Variants in POLG observed in about 807,000 individuals in gnomAD.
POLG encodes DNA polymerase subunit gamma-1.
Under a neutral mutation model 155.4 loss-of-function variants are expected in POLG, and 110 were observed. The observed-to-expected ratio is 0.71, with a 90% CI of 0.61 to 0.83. The LOEUF is 0.83. POLG is among the 40% of genes least tolerant of loss of function. The probability of loss-of-function intolerance (pLI) is 0.00; values close to 1 mark genes in which losing one functional copy is unlikely to be tolerated. For synonymous variants in POLG, 701 were observed against 631.5 expected (o/e 1.11, Z -1.65); for missense variants, 1,685 against 1,627.5 (o/e 1.04, Z -0.61).
chr15:89,325,718 G>T, intron 9 of POLG, 32 bp from the exon 10 acceptor site: 1 of 1,485,472 alleles, frequency 6.7e-7, no homozygotes. Context: ...GCAGTGTCAC[G>T]ATGGTAAGGG....
chr15:89,325,248 G>GAA lies in POLG; in HGVS notation c.1949+201_1949+202insTT, dbSNP rs1555453379. Among the ~76,000 whole-genome samples, 2 of 88,852 alleles carry GAA rather than the reference G, an allele frequency of 2.3e-5. 1 individual carries two copies. The highest frequency in any genetic ancestry group is 1.4e-4 in the African/African-American group (2 of 14,016). The allele number at this position is 88,852 out of a possible 152,430, so 58.3% of individuals were successfully genotyped here. A position where few individuals can be genotyped will look rare whatever the true frequency, so the allele number is the denominator to read the frequency against. ...AGAGTGAGTGAGAGAGTGAGTGAGT[G>GAA]AGAGAGAGAGTGAGTGAGTGAGTGA... On this transcript the variant is annotated intron_variant, in intron 10 of 22. Coordinates refer to ENST00000268124, the MANE Select transcript of POLG (RefSeq NM_002693.3).
In POLG at chr15:89,330,214, G is replaced by A. The variant is rs1452571273; in HGVS notation, c.722C>T (p.Pro241Leu). Residue 241 changes from proline to leucine, a missense_variant, in exon 3 of 23, where the codon CCG (proline) becomes CTG (leucine). Around this residue, in one of 3 missense-constraint regions of POLG, gnomAD observed 1,210 missense variants for 1,167.1 expected, o/e 1.04. Coordinates refer to ENST00000268124, the MANE Select transcript of POLG (RefSeq NM_002693.3). ...ERYSWTSQLS[P>L]ADLIPLEVPT... ...GACCTCCAGGGGGATGAGGTCAGCC[G>A]GCGACAGCTGGCTGGTCCAAGAGTA... The A allele has an allele frequency of 5.7e-5, 92 of 1,613,150 alleles. 1 individual carries two copies. The highest frequency in any genetic ancestry group is 1.2e-4 in the South Asian group (11 of 91,088).
Position 89,316,398 on chromosome 15 carries a change from G to GC in POLG, c.*352dup, listed in dbSNP as rs1208713333. The GC allele has an allele frequency of 6.2e-7, 1 of 1,611,432 alleles. No homozygotes were observed. Among genetic ancestry groups the GC allele is most frequent in the Non-Finnish European group, 8.5e-7 (1 of 1,178,552 alleles). On this transcript the variant is annotated 3_prime_UTR_variant, in exon 23 of 23. Transcript: ENST00000268124. ...AGCATTAATTCTTTCCCCTTCTAGG[G>GC]CACTGCATCAGAGCATGGGGGACAG...
At position 89,316,368 on chromosome 15, in the gene POLG, G is replaced by C; in HGVS notation, c.*383C>G. On this transcript the variant is annotated 3_prime_UTR_variant, in exon 23 of 23. Coordinates refer to ENST00000268124, the MANE Select transcript of POLG (RefSeq NM_002693.3). ...CACTGCCTTGGAGCAGGTTTATCAC[G>C]TTAGAGCATTAATTCTTTCCCCTTC... 6.2e-7 allele frequency: 1 copy of C among 1,600,708 alleles called. No individual in the cohort carries two copies.
chr15:89,325,227 T>TGA (rs1403706005), intron 10 of POLG, among the ~76,000 whole-genome samples: 1 of 41,828 alleles, frequency 2.4e-5, no homozygotes, highest in East Asian at 6.1e-4. Flanking sequence ...AGTGAGAGAG[T>TGA]GAGTGAGAGA....
intron 6 of POLG, among the ~76,000 whole-genome samples, chr15:89,327,887 CAT>C (rs1475945462): frequency 1.3e-5 from 2 of 151,864 alleles, no homozygotes; most frequent in Non-Finnish European, 2.9e-5. Context: ...GAATAGTAAA[CAT>C]ATTTTCTCCT....
intron 9 of POLG, 116 bp downstream of exon 9, chr15:89,326,496 A>C: frequency 8.9e-7 from 1 of 1,125,772 alleles, no homozygotes; most frequent in Non-Finnish European, 1.3e-6. Context: ...GAATGGCAGC[A>C]GGTCAATAAG....
rs760343963 is a variant in POLG, at chr15:89,318,753, G to A, written c.3274-4C>T. ...AATTCACACGGCTGGTCATAAACTG[G>A]GAAGGGAAGGTGGGCAGAGGTGAAA... On this transcript the variant is annotated splice_region_variant and splice_polypyrimidine_tract_variant and intron_variant, in intron 20 of 22. Coordinates refer to ENST00000268124, the MANE Select transcript of POLG (RefSeq NM_002693.3). 1.4e-5 allele frequency: 23 copies of A among 1,613,296 alleles called. No homozygotes were observed. Among genetic ancestry groups the A allele is most frequent in the South Asian group, 9.9e-5 (9 of 91,082 alleles).
chr15:89,325,259 T>TGAGTGAGTGAGAGAGA, intron 10 of POLG, among the ~76,000 whole-genome samples, 191 bp downstream of exon 10: 1 of 80,474 alleles, frequency 1.2e-5, no homozygotes, highest in Non-Finnish European at 2.4e-5. Flanking sequence ...AGAGAGAGAG[T>TGAGTGAGTGAGAGAGA]GAGTGAGTGA....
At chr15:89,329,717 T>C (rs2055570003) in intron 3 of POLG, among the ~76,000 whole-genome samples, 1 of 152,140 alleles carries the variant, frequency 6.6e-6, no homozygotes, top group East Asian at 1.9e-4. Flanking sequence ...TCTGCCTTTT[T>C]ATAAAAAAGG....
intron 6 of POLG, 90 bp from the exon 7 acceptor site, chr15:89,327,439 G>A: frequency 2.5e-6 from 3 of 1,186,332 alleles, no homozygotes; most frequent in Non-Finnish European, 2.5e-6. Flanking sequence ...CCTCAACCCA[G>A]CCACTGACAT....
At chr15:89,330,301 G>C in intron 2 of POLG, 25 bp from the exon 3 acceptor site, 1 of 1,583,230 alleles carries the variant, frequency 6.3e-7, no homozygotes, top group Non-Finnish European at 8.6e-7. Flanking sequence ...AGGCAGGCAG[G>C]TTCACCATGG....
chr15:89,323,807 C>A lies in POLG; in HGVS notation c.2157+8G>T, dbSNP rs548035719. ...CACCTAGAGAACCCAAGCCGGCGCACTGCTCACCAGAGCTAGGGGTTGACC... is the reference window on the plus strand; with the variant it reads ...CACCTAGAGAACCCAAGCCGGCGCAATGCTCACCAGAGCTAGGGGTTGACC... On this transcript the variant is annotated splice_region_variant and intron_variant, in intron 12 of 22. Transcript: ENST00000268124. The A allele has an allele frequency of 3.1e-6, 5 of 1,611,556 alleles. No homozygotes were observed. The highest frequency in any genetic ancestry group is 4.2e-6 in the Non-Finnish European group (5 of 1,177,622).
intron 8 of POLG, 72 bp from the exon 9 acceptor site, chr15:89,326,810 T>A (rs778308582): frequency 6.2e-7 from 1 of 1,610,508 alleles, no homozygotes; most frequent in African/African-American, 1.3e-5. Context: ...CACCCGCTCA[T>A]CTCCAGAAGG....
At position 89,333,657 on chromosome 15, in the gene POLG, G is replaced by C. The variant is rs796052896; in HGVS notation, c.98C>G (p.Ser33Cys). 4 of 1,569,848 alleles carry C rather than the reference G, an allele frequency of 2.5e-6. No homozygotes were observed. The highest frequency in any genetic ancestry group is 2.7e-5 in the African/African-American group (2 of 73,988). The stretch of plus-strand genomic sequence containing the variant: ...CCGCCGCTGCCCGTCGCTGGGGTCG[G>C]ACGCGGGGACGGAGCTGGAGACCCA... ...GRWVSSSVPA[S>C]DPSDGQRRRQ... is the part of the protein sequence containing the mutation. The change falls in exon 2 of 23, where the codon TCC (serine) becomes TGC (cysteine). Residue 33 changes from serine (S) to cysteine (C), a missense_variant. Ser to Cys is a moderately radical substitution (Grantham distance 112, BLOSUM62 -1). This residue lies in a region of POLG where 1,210 missense variants were observed against 1,167.1 expected (regional missense o/e 1.04). Coordinates refer to ENST00000268124, the MANE Select transcript of POLG (RefSeq NM_002693.3).
At position 89,322,913 on chromosome 15, in the gene POLG, C is replaced by G. The variant is rs747154432; in HGVS notation, c.2266-11G>C. 5.6e-6 allele frequency: 9 copies of G among 1,610,820 alleles called. No individual in the cohort carries two copies. Among genetic ancestry groups the G allele is most frequent in the Non-Finnish European group, 5.9e-6 (7 of 1,178,672 alleles). On this transcript the variant is annotated splice_polypyrimidine_tract_variant and intron_variant, in intron 13 of 22. Transcript: ENST00000268124. ...ACAGCTATTACCATCCTGGACAGAGCAAAGGAAGCAGGGGCTGGAGGCAGG... is the reference window on the plus strand; with the variant it reads ...ACAGCTATTACCATCCTGGACAGAGGAAAGGAAGCAGGGGCTGGAGGCAGG...
intron 6 of POLG, among the ~76,000 whole-genome samples, chr15:89,328,139 A>C (rs887529414): frequency 3.9e-5 from 6 of 152,136 alleles, no homozygotes; most frequent in African/African-American, 1.2e-4. Flanking sequence ...TCACTTCATA[A>C]GACAGACTCA....
At chr15:89,325,155 T>TGAGA (rs1170735559) in intron 10 of POLG, among the ~76,000 whole-genome samples, 6 of 43,934 alleles carry the variant, frequency 1.4e-4, no homozygotes, top group African/African-American at 3.2e-4. Context: ...AGTGAGTGAG[T>TGAGA]GAGTGAGTGA....
chr15:89,317,006 T>G, intron 22 of POLG, 179 bp from the exon 23 acceptor site: 1 of 624,970 alleles, frequency 1.6e-6, no homozygotes, highest in East Asian at 2.8e-5. Flanking sequence ...AAGTGTGTCT[T>G]AGATATATTT....
Sources: gnomAD v4.1 joint callset for allele counts (sites outside exome capture counted in the v4.1 genomes callset) on GRCh38, gnomAD v4.1.1 for gene constraint, gnomAD v4.1.1 regional missense constraint, MANE v1.5 for transcripts, NCBI Gene and HGNC (gene_info 2026-07-23, HGNC 2026-07-21) for gene names.